The following PREX1 variants were observed in gnomAD, a reference collection of about 807,000 sequenced individuals.
PREX1 encodes the protein phosphatidylinositol 3,4,5-trisphosphate-dependent Rac exchanger 1 protein.
PREX1 carries 41 observed loss-of-function variants against 198.3 expected under a neutral mutation model. That is an observed-to-expected ratio of 0.21 (90% CI 0.16 to 0.27). The LOEUF is 0.27. PREX1 is among the 10% of genes least tolerant of loss of function. The pLI, the probability that PREX1 is intolerant of heterozygous loss-of-function variation, is 1.00. For missense variants in PREX1, 1,620 were observed against 2,200.7 expected (o/e 0.74, Z 5.28); for synonymous variants, 843 against 887.2 (o/e 0.95, Z 0.89).
At chr20:48,733,705 C>CTGTTGTTGTTGTTGTTGT (rs71337454) in intron 4 of PREX1, among the ~76,000 whole-genome samples, 33,675 of 151,066 alleles carry the variant, frequency 0.22, 3,827 homozygotes, top group Middle Eastern at 0.28. Flanking sequence ...GTTGTTGTTG[C>CTGTTGTTGTTGTTGTTGT]TGTTGTTGTT....
At chr20:48,683,324 G>A (rs112919712) in intron 10 of PREX1, among the ~76,000 whole-genome samples, 244 of 152,332 alleles carry the variant, frequency 1.6e-3, no homozygotes, top group African/African-American at 5.2e-3. Flanking sequence ...CAGCAACTCT[G>A]CCCTACGTTT....
At chr20:48,742,783 A>G (rs1453690124) in intron 3 of PREX1, among the ~76,000 whole-genome samples, 1 of 152,124 alleles carries the variant, frequency 6.6e-6, no homozygotes, top group Non-Finnish European at 1.5e-5. Context: ...CTGCAGAAAG[A>G]GAGAGGTGAG....
chr20:48,792,973 G>A (rs1323431892), intron 1 of PREX1, among the ~76,000 whole-genome samples: 1 of 151,996 alleles, frequency 6.6e-6, no homozygotes, highest in African/African-American at 2.4e-5. Flanking sequence ...TGAGAGGCAA[G>A]TTGGGTGGAT....
chr20:48,677,050 G>A lies in PREX1; in HGVS notation c.1590-782C>T, dbSNP rs149253904. Among the ~76,000 whole-genome samples the A allele has an allele frequency of 1.4e-4, 22 of 152,284 alleles. No homozygotes were observed. The East Asian group carries it at 3.9e-3, about 27-fold the overall frequency. ...CAGCCTCTGAAGCTGTGACAAAAAC[G>A]CGCTTCTGTGGCCAGTCCATGCCAA... On this transcript the variant is annotated intron_variant, in intron 13 of 39. Transcript: ENST00000371941.
chr20:48,679,481 G>A, intron 12 of PREX1, 72 bp from the exon 13 acceptor site: 1 of 1,509,394 alleles, frequency 6.6e-7, no homozygotes, highest in South Asian at 1.1e-5. Context: ...CAGGCTGATG[G>A]GAGAGATGGC....
chr20:48,660,184 T>A lies in PREX1; in HGVS notation c.1739-123A>T, dbSNP rs976330664. On this transcript the variant is annotated intron_variant, in intron 15 of 39. Coordinates refer to ENST00000371941, the MANE Select transcript of PREX1 (RefSeq NM_020820.4). Reference sequence around the variant, plus strand: ...ACACGTTTGGTTTGGCAAACACTATTCTATTAAAATGGAATCATATGCCAA... The same window carrying A: ...ACACGTTTGGTTTGGCAAACACTATACTATTAAAATGGAATCATATGCCAA... The A allele has an allele frequency of 2.6e-6, 3 of 1,175,418 alleles. No homozygotes were observed. The African/African-American group carries it at 4.5e-5, about 18-fold the overall frequency. The allele number at this position is 1,175,418 out of a possible 1,614,324, so 72.8% of individuals were successfully genotyped here. A position where few individuals can be genotyped will look rare whatever the true frequency, so the allele number is the denominator to read the frequency against.
intron 18 of PREX1, among the ~76,000 whole-genome samples, chr20:48,655,651 C>A (rs1004077642): frequency 6.6e-6 from 1 of 152,226 alleles, no homozygotes; most frequent in Non-Finnish European, 1.5e-5. Context: ...CATCCTCCCA[C>A]ACCTCCATCA....
At chr20:48,668,590 G>A (rs2089655348) in intron 14 of PREX1, among the ~76,000 whole-genome samples, 1 of 152,240 alleles carries the variant, frequency 6.6e-6, no homozygotes, top group Non-Finnish European at 1.5e-5. Context: ...TCCAACCAGA[G>A]GAGACAGGGG....
At position 48,628,056 on chromosome 20, in the gene PREX1, G is replaced by C. The variant is rs2089287254; in HGVS notation, c.4767-93C>G. On this transcript the variant is annotated intron_variant, in intron 37 of 39. Coordinates refer to ENST00000371941, the MANE Select transcript of PREX1 (RefSeq NM_020820.4). ...GTCAGAGGACAGTGGGTGAGAGCTGGGGCAACTTCCTGTCCCTCCGAGGCC... is the reference window on the plus strand; with the variant it reads ...GTCAGAGGACAGTGGGTGAGAGCTGCGGCAACTTCCTGTCCCTCCGAGGCC... 38 of 891,402 alleles carry C rather than the reference G, an allele frequency of 4.3e-5. No individual in the cohort carries two copies. The South Asian group carries it at 5.8e-4, about 14-fold the overall frequency. 55.2% of individuals were successfully genotyped at this position (891,402 alleles called of 1,614,324 possible). A position where few individuals can be genotyped will look rare whatever the true frequency, so the allele number is the denominator to read the frequency against.
chr20:48,757,727 T>C (rs1302603153), intron 1 of PREX1, among the ~76,000 whole-genome samples: 1 of 152,002 alleles, frequency 6.6e-6, no homozygotes, highest in African/African-American at 2.4e-5. Flanking sequence ...AGTGAAGGGG[T>C]GGGCACTTTC....
At chr20:48,708,544 G>C in intron 5 of PREX1, 123 bp from the exon 6 acceptor site, 1 of 1,077,400 alleles carries the variant, frequency 9.3e-7, no homozygotes, top group Non-Finnish European at 1.3e-6. Context: ...TTACATTCTA[G>C]TAAAGGAGAT....
chr20:48,651,677 G>T, intron 21 of PREX1, 94 bp from the exon 22 acceptor site: 1 of 1,255,982 alleles, frequency 8.0e-7, no homozygotes, highest in Non-Finnish European at 1.1e-6. Flanking sequence ...CCAGGCAGTG[G>T]GAACAGCAAG....
chr20:48,636,206 T>C (rs1440934050), intron 32 of PREX1, among the ~76,000 whole-genome samples: 1 of 152,230 alleles, frequency 6.6e-6, no homozygotes, highest in Non-Finnish European at 1.5e-5. Context: ...GTCTGTAGCA[T>C]GGATTCTGTT....
chr20:48,672,250 T>C (rs2089680512), intron 14 of PREX1, among the ~76,000 whole-genome samples: 1 of 152,260 alleles, frequency 6.6e-6, no homozygotes, highest in Non-Finnish European at 1.5e-5. Context: ...CCAAAGGCTT[T>C]GGAGTCATTC....
At chr20:48,632,699 G>C in intron 33 of PREX1, 60 bp from the exon 34 acceptor site, 1 of 1,587,864 alleles carries the variant, frequency 6.3e-7, no homozygotes, top group Non-Finnish European at 8.6e-7. Flanking sequence ...GGGAAGCCCT[G>C]GCACACCTCT....
chr20:48,660,489 A>G (rs946080546), intron 15 of PREX1, among the ~76,000 whole-genome samples: 3 of 108,660 alleles, frequency 2.8e-5, no homozygotes, highest in Non-Finnish European at 4.5e-5. Flanking sequence ...CCAGGGGGGA[A>G]AAAAATTGAA....
intron 13 of PREX1, 55 bp from the exon 14 acceptor site, chr20:48,676,323 G>A (rs1294200936): frequency 2.6e-6 from 4 of 1,551,466 alleles, no homozygotes; most frequent in Non-Finnish European, 3.6e-6. Context: ...GACAGAGGTG[G>A]GGGTGGTCCT....
chr20:48,760,155 T>C (rs1425645843), intron 1 of PREX1, among the ~76,000 whole-genome samples: 1 of 151,180 alleles, frequency 6.6e-6, no homozygotes, highest in African/African-American at 2.4e-5. Context: ...CCATCTTGAG[T>C]TTCTAGAGTG....
the PREX1 span, among the ~76,000 whole-genome samples, chr20:48,877,610 C>CTGAT: frequency 6.6e-6 from 1 of 152,232 alleles, no homozygotes; most frequent in Non-Finnish European, 1.5e-5. Flanking sequence ...ATGGGCTACA[C>CTGAT]TGATTGGCCT....
Sources: allele counts gnomAD v4.1 joint callset (sites outside exome capture counted in the v4.1 genomes callset), GRCh38; gene constraint gnomAD v4.1.1; transcripts MANE v1.5; gene names NCBI Gene and HGNC (gene_info 2026-07-23, HGNC 2026-07-21).